SFMBT1: variants seen among roughly 807,000 people sequenced by gnomAD.
The protein encoded by SFMBT1 is scm-like with four MBT domains protein 1.
Under a neutral mutation model 108.7 loss-of-function variants are expected in SFMBT1, and 32 were observed. That is an observed-to-expected ratio of 0.29 (90% CI 0.22 to 0.40). The LOEUF is 0.40. Ranked by LOEUF, SFMBT1 falls within the 10% of genes least tolerant of loss-of-function variation. The probability of loss-of-function intolerance (pLI) is 1.00; values close to 1 mark genes in which losing one functional copy is unlikely to be tolerated. For missense variants in SFMBT1, 816 were observed against 1,059.6 expected (o/e 0.77, Z 3.19); for synonymous variants, 348 against 369.5 (o/e 0.94, Z 0.67).
At chr3:53,034,958 T>C (rs1699820524) in intron 1 of SFMBT1, among the ~76,000 whole-genome samples, 1 of 152,192 alleles carries the variant, frequency 6.6e-6, no homozygotes, top group South Asian at 2.1e-4. Context: ...ATAATAATAA[T>C]TTTGGTAATC....
chr3:52,967,057 T>TC (rs1704175139), intron 2 of SFMBT1, among the ~76,000 whole-genome samples: 1 of 151,124 alleles, frequency 6.6e-6, no homozygotes, highest in Admixed American at 6.6e-5. Flanking sequence ...AAAAAAAAGT[T>TC]CAAGTAACCC....
At chr3:52,976,614 G>A (rs1019657571) in intron 1 of SFMBT1, among the ~76,000 whole-genome samples, 12 of 152,124 alleles carry the variant, frequency 7.9e-5, no homozygotes, top group African/African-American at 2.7e-4. Context: ...GGATACATTT[G>A]ACTAAATAAA....
Position 52,948,825 on chromosome 3 carries a change from ATTTT to A in SFMBT1, c.124-5236_124-5233del, listed in dbSNP as rs71615878. ...CTCCACCATGCCTGGCTAATTTTTA[ATTTT>A]TTTTTTTTTTTTTTTTTGTAGAAAA... On this transcript the variant is annotated intron_variant, in intron 3 of 20. Transcript: ENST00000394752. Among the ~76,000 whole-genome samples, 11 of 78,304 alleles carry A rather than the reference ATTTT, an allele frequency of 1.4e-4. No homozygotes were observed. The South Asian group carries it at 2.6e-3, about 18-fold the overall frequency. The allele number at this position is 78,304 out of a possible 152,430, so 51.4% of individuals were successfully genotyped here.
intron 1 of SFMBT1, among the ~76,000 whole-genome samples, chr3:52,969,548 T>C (rs1575410144): frequency 6.6e-6 from 1 of 152,288 alleles, no homozygotes; most frequent in South Asian, 2.1e-4. Context: ...ACCCTTTAAA[T>C]TTACATTACC....
intron 2 of SFMBT1, among the ~76,000 whole-genome samples, chr3:52,965,945 G>A (rs2106852944): frequency 7.3e-6 from 1 of 136,514 alleles, no homozygotes; most frequent in East Asian, 2.2e-4. Flanking sequence ...GGCGGAGCTT[G>A]CAGTGAGCCG....
At chr3:53,022,449 CAAAAAAAAAAAAA>C (rs34744052) in intron 1 of SFMBT1, among the ~76,000 whole-genome samples, 12 of 40,630 alleles carry the variant, frequency 3.0e-4, no homozygotes, top group Non-Finnish European at 5.8e-4. Flanking sequence ...GGTGCTGTCT[CAAAAAAAAAAAAA>C]AAAAAAAAAA....
chr3:52,950,798 T>C (rs1703553557), intron 3 of SFMBT1, among the ~76,000 whole-genome samples: 1 of 152,082 alleles, frequency 6.6e-6, no homozygotes, highest in Admixed American at 6.6e-5. Flanking sequence ...GAATAAACTG[T>C]TATATGTTCC....
In SFMBT1 at chr3:53,029,624, C is replaced by T. The variant is rs943924725; in HGVS notation, c.-131+16192G>A. 7.9e-5 allele frequency among the ~76,000 whole-genome samples: 12 copies of T among 152,290 alleles called. 1 individual carries two copies. The highest frequency in any genetic ancestry group is 2.2e-4 in the African/African-American group (9 of 41,552). ...CCTTGCTGCTGCAATTTTCTCAAAA[C>T]GAAAATACAAAAGCAAAGTATCTGA... On this transcript the variant is annotated intron_variant, in intron 1 of 20. Coordinates refer to ENST00000394752, the MANE Select transcript of SFMBT1 (RefSeq NM_016329.4).
chr3:52,920,795 T>C (rs942758636), intron 11 of SFMBT1, 145 bp from the exon 12 acceptor site: 24 of 592,208 alleles, frequency 4.1e-5, no homozygotes, highest in African/African-American at 5.7e-5. Context: ...AAGTCATACA[T>C]TTTCATGTAT....
chr3:53,016,190 T>C (rs1699118889), intron 1 of SFMBT1, among the ~76,000 whole-genome samples: 1 of 151,682 alleles, frequency 6.6e-6, no homozygotes, highest in Non-Finnish European at 1.5e-5. Context: ...ACTTTAAGCT[T>C]ACACCTCTAA....
At chr3:52,986,880 C>T (rs1389826072) in intron 1 of SFMBT1, among the ~76,000 whole-genome samples, 2 of 151,900 alleles carry the variant, frequency 1.3e-5, no homozygotes, top group Non-Finnish European at 2.9e-5. Context: ...GTGGAGGTTG[C>T]AGTGAGCCGA....
At chr3:53,001,957 A>T (rs1196439054) in intron 1 of SFMBT1, among the ~76,000 whole-genome samples, 1 of 148,428 alleles carries the variant, frequency 6.7e-6, no homozygotes, top group African/African-American at 2.4e-5. Context: ...ACACACACAC[A>T]CACACACACA....
At chr3:52,944,453 G>A (rs1231676078) in intron 3 of SFMBT1, among the ~76,000 whole-genome samples, 4 of 152,166 alleles carry the variant, frequency 2.6e-5, no homozygotes, top group Admixed American at 2.6e-4. Context: ...TGAATTGAGA[G>A]GGACTAGAAA....
At chr3:53,027,994 C>A (rs565584759) in intron 1 of SFMBT1, among the ~76,000 whole-genome samples, 2 of 152,172 alleles carry the variant, frequency 1.3e-5, no homozygotes, top group African/African-American at 4.8e-5. Flanking sequence ...TTGGATAGTC[C>A]AACTTGCCAG....
chr3:53,038,390 A>G (rs1699932360), intron 1 of SFMBT1, among the ~76,000 whole-genome samples: 1 of 152,224 alleles, frequency 6.6e-6, no homozygotes, highest in Non-Finnish European at 1.5e-5. Flanking sequence ...ACAACGCACA[A>G]TAAAAATCAG....
intron 1 of SFMBT1, among the ~76,000 whole-genome samples, chr3:52,975,874 G>A (rs1008907286): frequency 6.6e-6 from 1 of 152,102 alleles, no homozygotes; most frequent in African/African-American, 2.4e-5. Context: ...CTCCCAAAGT[G>A]CTGGGATTAC....
intron 1 of SFMBT1, among the ~76,000 whole-genome samples, chr3:53,041,535 TA>T (rs1383416622): frequency 6.6e-6 from 1 of 151,694 alleles, no homozygotes. Context: ...CCATCTTTAC[TA>T]AAAATACCAA....
chr3:52,941,554 A>C (rs896322070), intron 4 of SFMBT1, among the ~76,000 whole-genome samples: 1 of 129,834 alleles, frequency 7.7e-6, no homozygotes, highest in African/African-American at 2.9e-5. Context: ...AGATTGCGCC[A>C]TTGCACTCCA....
chr3:53,014,476 AAAAACAAAACAAAACAAAAC>A (rs10576412), intron 1 of SFMBT1, among the ~76,000 whole-genome samples: 41,948 of 146,444 alleles, frequency 0.29, 6,569 homozygotes, highest in East Asian at 0.49. Flanking sequence ...TGTATTTAAA[AAAAACAAAACAAAACAAAAC>A]AAAACAAAAC....
Sources: allele counts gnomAD v4.1 joint callset (sites outside exome capture counted in the v4.1 genomes callset), GRCh38; gene constraint gnomAD v4.1.1; transcripts MANE v1.5; gene names NCBI Gene and HGNC (gene_info 2026-07-23, HGNC 2026-07-21).